The following GRM1 variants were observed in gnomAD, a reference collection of about 807,000 sequenced individuals.
The protein encoded by GRM1 is glutamate metabotropic receptor 1.
A neutral mutation model predicts 90.9 loss-of-function variants in GRM1; 33 were observed. The ratio of observed to expected loss-of-function variants is 0.36; its 90% CI spans 0.28 to 0.49. The LOEUF (loss-of-function observed/expected upper bound fraction) is 0.49. Ranked by LOEUF, GRM1 falls within the 20% of genes least tolerant of loss-of-function variation. The pLI is 0.99. For synonymous variants in GRM1, 700 were observed against 613.2 expected (o/e 1.14, Z -2.09); for missense variants, 1,190 against 1,534.3 (o/e 0.78, Z 3.75).
upstream of GRM1, chr6:146,027,921 G>A (rs1427253356): frequency 6.6e-6 from 1 of 152,286 alleles, no homozygotes; most frequent in African/African-American, 2.4e-5. Context: ...GCGCATTCTC[G>A]CTTATGTATT....
At chr6:146,313,540 G>C (rs555143870) in intron 3 of GRM1, among the ~76,000 whole-genome samples, 1 of 152,102 alleles carries the variant, frequency 6.6e-6, no homozygotes, top group African/African-American at 2.4e-5. Flanking sequence ...GAATAGTTTT[G>C]TATTTCACGC....
At chr6:146,047,910 T>C (rs1791392396) in intron 1 of GRM1, among the ~76,000 whole-genome samples, 1 of 151,976 alleles carries the variant, frequency 6.6e-6, no homozygotes, top group Middle Eastern at 3.2e-3. Context: ...CAGGCATATT[T>C]CCACCTGACA....
intron 7 of GRM1, among the ~76,000 whole-genome samples, chr6:146,407,080 T>C (rs1371368679): frequency 6.6e-6 from 1 of 152,178 alleles, no homozygotes; most frequent in African/African-American, 2.4e-5. Context: ...GGCCAGAATG[T>C]TCTCACTTCC....
intron 3 of GRM1, among the ~76,000 whole-genome samples, chr6:146,327,525 G>A (rs1013234349): frequency 3.9e-5 from 6 of 152,174 alleles, no homozygotes; most frequent in African/African-American, 7.2e-5. Context: ...AGCATTTTCC[G>A]TAACATACTT....
At chr6:146,043,565 C>T (rs1056260247) in intron 1 of GRM1, among the ~76,000 whole-genome samples, 2 of 151,438 alleles carry the variant, frequency 1.3e-5, no homozygotes, top group African/African-American at 4.8e-5. Flanking sequence ...TCTTAAAGAG[C>T]TAACATGTTT....
At chr6:146,250,562 A>C (rs1419495336) in intron 2 of GRM1, among the ~76,000 whole-genome samples, 1 of 152,194 alleles carries the variant, frequency 6.6e-6, no homozygotes, top group Non-Finnish European at 1.5e-5. Context: ...GCCATGCAGA[A>C]CTGTGACTCA....
chr6:146,403,477 T>C (rs955496465), intron 7 of GRM1, among the ~76,000 whole-genome samples: 2 of 152,132 alleles, frequency 1.3e-5, no homozygotes, highest in African/African-American at 2.4e-5. Context: ...GGTTACTAAG[T>C]AAATGGATAT....
At chr6:146,398,108 G>A (rs1445500119) in intron 6 of GRM1, among the ~76,000 whole-genome samples, 3 of 152,156 alleles carry the variant, frequency 2.0e-5, no homozygotes, top group Admixed American at 6.5e-5. Flanking sequence ...GATGGGTTAG[G>A]GGAGATTTCA....
chr6:146,395,653 G>A (rs548045847), intron 6 of GRM1, among the ~76,000 whole-genome samples: 4 of 152,174 alleles, frequency 2.6e-5, no homozygotes, highest in South Asian at 4.1e-4. Context: ...CTGTATTCAT[G>A]AAGTTTAGGA....
chr6:146,362,141 G>A (rs1775503137), intron 5 of GRM1, among the ~76,000 whole-genome samples: 1 of 152,072 alleles, frequency 6.6e-6, no homozygotes, highest in Non-Finnish European at 1.5e-5. Context: ...TCTCCAAGAC[G>A]TTGGTTTTGG....
chr6:146,205,654 A>T (rs902877928), intron 2 of GRM1, among the ~76,000 whole-genome samples: 1 of 152,192 alleles, frequency 6.6e-6, no homozygotes, highest in Non-Finnish European at 1.5e-5. Flanking sequence ...AAAACTCAAT[A>T]ACTATACTTA....
At chr6:146,231,514 C>T (rs2114704611) in intron 2 of GRM1, among the ~76,000 whole-genome samples, 1 of 152,032 alleles carries the variant, frequency 6.6e-6, no homozygotes, top group Non-Finnish European at 1.5e-5. Flanking sequence ...TATAAAAAAT[C>T]AAATGGAAAT....
intron 2 of GRM1, among the ~76,000 whole-genome samples, chr6:146,288,267 A>T (rs1194162285): frequency 1.3e-5 from 2 of 152,146 alleles, no homozygotes; most frequent in Non-Finnish European, 1.5e-5. Context: ...AGGATGTTAT[A>T]GGCAATGCTG....
intron 1 of GRM1, among the ~76,000 whole-genome samples, chr6:146,099,212 C>A (rs982621360): frequency 1.3e-5 from 2 of 152,046 alleles, no homozygotes; most frequent in African/African-American, 4.8e-5. Flanking sequence ...CACAGCAAAA[C>A]CCTGTCTCTA....
At chr6:146,316,918 T>C (rs931849486) in intron 3 of GRM1, among the ~76,000 whole-genome samples, 3 of 152,216 alleles carry the variant, frequency 2.0e-5, no homozygotes, top group Admixed American at 2.0e-4. Flanking sequence ...AGCTTTTTAA[T>C]TTTTCTAAGA....
chr6:146,121,837 G>A (rs1487998573), intron 1 of GRM1, among the ~76,000 whole-genome samples: 1 of 152,226 alleles, frequency 6.6e-6, no homozygotes, highest in Non-Finnish European at 1.5e-5. Context: ...TTGCTGAGCA[G>A]TGCTTTACTT....
intron 6 of GRM1, among the ~76,000 whole-genome samples, chr6:146,395,505 T>C (rs1776895067): frequency 6.6e-6 from 1 of 152,174 alleles, no homozygotes; most frequent in African/African-American, 2.4e-5. Context: ...GTTACTTTAA[T>C]CTTCTCTTTT....
rs181266850 is a variant in GRM1, at chr6:146,425,098, G to A, written c.2661-8774G>A. ...GTGTCTCAAATTCTTATCTTTTGATGAGGATTTCAAATTACTCTCGGTAAA... is the reference window on the plus strand; with the variant it reads ...GTGTCTCAAATTCTTATCTTTTGATAAGGATTTCAAATTACTCTCGGTAAA... On this transcript the variant is annotated intron_variant, in intron 7 of 7. Coordinates refer to ENST00000282753, the MANE Select transcript of GRM1 (RefSeq NM_001278064.2). Among the ~76,000 whole-genome samples the A allele has an allele frequency of 2.0e-5, 3 of 152,262 alleles. No homozygotes were observed. The East Asian group carries it at 5.8e-4, about 29-fold the overall frequency.
chr6:146,074,804 A>C (rs1034005229), intron 1 of GRM1, among the ~76,000 whole-genome samples: 14 of 152,134 alleles, frequency 9.2e-5, no homozygotes, highest in African/African-American at 3.1e-4. Context: ...GGCAATGCTT[A>C]TTTACTTTCA....
Sources: allele counts gnomAD v4.1 joint callset (sites outside exome capture counted in the v4.1 genomes callset), GRCh38; gene constraint gnomAD v4.1.1; transcripts MANE v1.5; gene names NCBI Gene and HGNC (gene_info 2026-07-23, HGNC 2026-07-21).